Variants in NRXN1 observed in about 807,000 individuals in gnomAD.
The protein encoded by NRXN1 is neurexin 1, also known as neurexin-1.
Under a neutral mutation model 150.9 loss-of-function variants are expected in NRXN1, and 39 were observed. The observed-to-expected ratio is 0.26, with a 90% CI of 0.20 to 0.34. The LOEUF (loss-of-function observed/expected upper bound fraction) is 0.34. NRXN1 is among the 10% of genes least tolerant of loss of function. The pLI is 1.00. For missense variants in NRXN1, 1,815 were observed against 1,949.9 expected, an observed-to-expected ratio of 0.93 and a Z score of 1.30; for synonymous variants, 924 against 757.0, an observed-to-expected ratio of 1.22 and a Z score of -3.62.
At chr2:51,018,779 G>A (rs1395041656) in intron 2 of NRXN1, among the ~76,000 whole-genome samples, 4 of 152,018 alleles carry the variant, frequency 2.6e-5, no homozygotes, top group Admixed American at 1.3e-4. Context: ...AAAACTTTGT[G>A]TTGCTTGTTT....
chr2:50,985,147 T>C (rs920315333), intron 2 of NRXN1, among the ~76,000 whole-genome samples: 1 of 152,008 alleles, frequency 6.6e-6, no homozygotes, highest in Non-Finnish European at 1.5e-5. Context: ...AGTAAATCTG[T>C]AGATTACCAC....
intron 18 of NRXN1, among the ~76,000 whole-genome samples, chr2:50,133,378 T>C (rs1001023533): frequency 6.6e-6 from 1 of 152,160 alleles, no homozygotes; most frequent in Non-Finnish European, 1.5e-5. Context: ...TAATGCAAGA[T>C]AGTTTGTTAG....
intron 22 of NRXN1, among the ~76,000 whole-genome samples, chr2:49,928,717 G>T (rs1669579077): frequency 6.6e-6 from 1 of 152,076 alleles, no homozygotes; most frequent in Non-Finnish European, 1.5e-5. Context: ...TCATTCACAA[G>T]AAGCCATGTT....
intron 8 of NRXN1, among the ~76,000 whole-genome samples, chr2:50,599,787 A>G (rs1170242836): frequency 6.6e-6 from 1 of 152,208 alleles, no homozygotes; most frequent in African/African-American, 2.4e-5. Context: ...ATAAGAAGCT[A>G]AAATATGCAT....
intron 5 of NRXN1, among the ~76,000 whole-genome samples, chr2:50,854,616 T>A (rs1228282111): frequency 6.6e-6 from 1 of 152,034 alleles, no homozygotes; most frequent in Non-Finnish European, 1.5e-5. Context: ...AAAATAAGAG[T>A]TGAAGCCTTG....
At chr2:50,635,257 A>G (rs904202697) in intron 5 of NRXN1, among the ~76,000 whole-genome samples, 1 of 150,514 alleles carries the variant, frequency 6.6e-6, no homozygotes, top group African/African-American at 2.4e-5. Flanking sequence ...TCCCGGGTTC[A>G]CGCCATTCTC....
At chr2:50,082,603 A>C (rs1016546507) in intron 19 of NRXN1, among the ~76,000 whole-genome samples, 2 of 152,220 alleles carry the variant, frequency 1.3e-5, no homozygotes, top group African/African-American at 4.8e-5. Flanking sequence ...AAGTTCATTA[A>C]AAACTCGCAA....
At chr2:50,179,832 C>A (rs909094477) in intron 18 of NRXN1, among the ~76,000 whole-genome samples, 1 of 152,076 alleles carries the variant, frequency 6.6e-6, no homozygotes, top group Non-Finnish European at 1.5e-5. Context: ...TAACCTAGAG[C>A]TAGACGTCCA....
In NRXN1 at chr2:50,904,034, A is replaced by C. The variant is rs553338881; in HGVS notation, c.832+17835T>G. On this transcript the variant is annotated intron_variant, in intron 5 of 22. Coordinates refer to ENST00000401669, the MANE Select transcript of NRXN1 (RefSeq NM_001330078.2). ...CTATGTCTCTGCTGGAATCAGGGCAAGGGCTCCAAGTCCTGCTCTTTCCGC... is the reference window on the plus strand; with the variant it reads ...CTATGTCTCTGCTGGAATCAGGGCACGGGCTCCAAGTCCTGCTCTTTCCGC... 7.2e-5 allele frequency among the ~76,000 whole-genome samples: 11 copies of C among 152,250 alleles called. No homozygotes were observed. In the South Asian group the frequency reaches 1.2e-3, roughly 17 times the overall value.
At chr2:50,169,511 G>A (rs2059893948) in intron 18 of NRXN1, among the ~76,000 whole-genome samples, 2 of 152,016 alleles carry the variant, frequency 1.3e-5, no homozygotes, top group African/African-American at 4.8e-5. Flanking sequence ...TCAGGAGTTC[G>A]AGACCAGTCT....
At chr2:50,985,019 A>G (rs1423047183) in intron 2 of NRXN1, among the ~76,000 whole-genome samples, 2 of 152,074 alleles carry the variant, frequency 1.3e-5, no homozygotes, top group African/African-American at 4.8e-5. Flanking sequence ...TTTCTGCTCT[A>G]ATTCCATGAA....
chr2:49,921,864 A>C lies in NRXN1; in HGVS notation c.*80T>G. ...CTTCTTTTGTATGTGCTTCATAAAA[A>C]GGAAAGTAAATAAGTTTATATTATG... On this transcript the variant is annotated 3_prime_UTR_variant, in exon 23 of 23. Transcript: ENST00000401669. 1 of 1,422,126 alleles carries C rather than the reference A, an allele frequency of 7.0e-7. No individual in the cohort carries two copies. The highest frequency in any genetic ancestry group is 9.7e-7 in the Non-Finnish European group (1 of 1,026,178). 88.1% of individuals were successfully genotyped at this position (1,422,126 alleles called of 1,614,324 possible). A position where few individuals can be genotyped will look rare whatever the true frequency, so the allele number is the denominator to read the frequency against.
At chr2:50,352,963 AG>A (rs2078533005) in intron 17 of NRXN1, among the ~76,000 whole-genome samples, 1 of 151,964 alleles carries the variant, frequency 6.6e-6, no homozygotes, top group African/African-American at 2.4e-5. Context: ...TCATAGATAT[AG>A]ATTGGTGAAT....
chr2:50,767,490 A>G (rs1003576948), intron 5 of NRXN1, among the ~76,000 whole-genome samples: 1 of 151,978 alleles, frequency 6.6e-6, no homozygotes, highest in Non-Finnish European at 1.5e-5. Context: ...TATTTGGTGA[A>G]AGGAACTTGT....
Position 50,878,988 on chromosome 2 carries a change from A to G in NRXN1, c.832+42881T>C, listed in dbSNP as rs554448831. Among the ~76,000 whole-genome samples, 7 of 152,008 alleles carry G rather than the reference A, an allele frequency of 4.6e-5. No homozygotes were observed. In the East Asian group the frequency reaches 1.4e-3, roughly 30 times the overall value. Reference sequence around the variant, plus strand: ...TGGGTAATTTTTGTTTTATGTGCCAACTTGGCTATGATGACCAGTTGTTTG... The same window carrying G: ...TGGGTAATTTTTGTTTTATGTGCCAGCTTGGCTATGATGACCAGTTGTTTG... On this transcript the variant is annotated intron_variant, in intron 5 of 22. Coordinates refer to ENST00000401669, the MANE Select transcript of NRXN1 (RefSeq NM_001330078.2).
intron 5 of NRXN1, chr2:50,631,187 A>G (rs1325252493): frequency 2.4e-6 from 1 of 414,310 alleles, no homozygotes; most frequent in Admixed American, 3.6e-5. Context: ...ATTTTTCAAC[A>G]TATGTAAATT....
chr2:50,625,534 T>C lies in NRXN1; in HGVS notation c.833-1919A>G, dbSNP rs530030517. ...GTACCAGTTATTAGAGATAATGAAG[T>C]GAACACAATGGACTTAATTCCTGTC... On this transcript the variant is annotated intron_variant, in intron 5 of 22. Coordinates refer to ENST00000401669, the MANE Select transcript of NRXN1 (RefSeq NM_001330078.2). Among the ~76,000 whole-genome samples the C allele has an allele frequency of 2.5e-4, 38 of 152,196 alleles. No individual in the cohort carries two copies. The South Asian group carries it at 7.7e-3, about 31-fold the overall frequency.
In NRXN1 at chr2:50,359,037, A is replaced by C. The variant is rs149079279; in HGVS notation, c.3364+106405T>G. ...AGGAAAACAAACAGCAGGAAAACTA[A>C]CAAACAGAAAGCAATAGCATCAACA... On this transcript the variant is annotated intron_variant, in intron 17 of 22. Transcript: ENST00000401669. Among the ~76,000 whole-genome samples, 212 of 152,338 alleles carry C rather than the reference A, an allele frequency of 1.4e-3. 2 individuals carry two copies. Among genetic ancestry groups the C allele is most frequent in the East Asian group, 1.4e-3 (7 of 5,176 alleles).
At chr2:50,751,948 G>A (rs1003046479) in intron 5 of NRXN1, among the ~76,000 whole-genome samples, 4 of 151,878 alleles carry the variant, frequency 2.6e-5, no homozygotes, top group African/African-American at 9.7e-5. Flanking sequence ...CTAGTGAACA[G>A]TAAGAATCAG....
Sources: gnomAD v4.1 joint callset for allele counts (sites outside exome capture counted in the v4.1 genomes callset) on GRCh38, gnomAD v4.1.1 for gene constraint, MANE v1.5 for transcripts, NCBI Gene and HGNC (gene_info 2026-07-23, HGNC 2026-07-21) for gene names.